Variants in DAB1 observed in about 807,000 individuals in gnomAD.
The protein encoded by DAB1 is DAB adaptor protein 1, also known as disabled homolog 1.
DAB1 carries 15 observed loss-of-function variants against 64.6 expected under a neutral mutation model. The ratio of observed to expected loss-of-function variants is 0.23; its 90% CI spans 0.16 to 0.36. The LOEUF is 0.36. Ranked by LOEUF, DAB1 falls within the 10% of genes least tolerant of loss-of-function variation. DAB1 has a pLI of 1.00. For missense variants in DAB1, 596 were observed against 706.7 expected (o/e 0.84, Z 1.78); for synonymous variants, 235 against 251.9 (o/e 0.93, Z 0.64).
At chr1:57,747,314 T>C (rs1263992108) in intron 6 of DAB1, among the ~76,000 whole-genome samples, 1 of 152,204 alleles carries the variant, frequency 6.6e-6, no homozygotes, top group Non-Finnish European at 1.5e-5. Flanking sequence ...GTCCTCTTTG[T>C]ACCCTTATCC....
intron 4 of DAB1, among the ~76,000 whole-genome samples, chr1:58,301,581 C>T (rs1280683799): frequency 6.6e-6 from 1 of 152,122 alleles, no homozygotes; most frequent in East Asian, 1.9e-4. Context: ...CCCAGGGAAG[C>T]CAAAAGATTG....
intron 7 of DAB1, among the ~76,000 whole-genome samples, chr1:57,647,181 T>C (rs1646201945): frequency 6.6e-6 from 1 of 152,174 alleles, no homozygotes; most frequent in African/African-American, 2.4e-5. Context: ...CAAAGGACTC[T>C]CAAAGCTCTC....
At chr1:57,317,108 A>G (rs1149629) in intron 1 of DAB1, among the ~76,000 whole-genome samples, 12,607 of 152,030 alleles carry the variant, frequency 0.083, 763 homozygotes, top group East Asian at 0.31. Flanking sequence ...TTTGTGAGCC[A>G]CCCTATCAGG....
intron 4 of DAB1, among the ~76,000 whole-genome samples, chr1:58,219,105 C>G (rs989595733): frequency 2.6e-5 from 4 of 151,352 alleles, no homozygotes; most frequent in Non-Finnish European, 4.4e-5. Context: ...GATATGAGCG[C>G]TAGAAGAAAG....
chr1:57,265,423 CTT>C (rs1228032871), intron 2 of DAB1, among the ~76,000 whole-genome samples: 1 of 152,210 alleles, frequency 6.6e-6, no homozygotes, highest in African/African-American at 2.4e-5. Flanking sequence ...ATAGAACTCT[CTT>C]TCCCCCTCCC....
intron 7 of DAB1, among the ~76,000 whole-genome samples, chr1:57,493,063 G>A (rs1009386456): frequency 5.3e-5 from 8 of 151,916 alleles, no homozygotes; most frequent in South Asian, 2.1e-4. Context: ...ATAGCAGCCC[G>A]CCTCCCCCAT....
chr1:57,172,962 C>A (rs572804887), intron 2 of DAB1, among the ~76,000 whole-genome samples: 1 of 152,280 alleles, frequency 6.6e-6, no homozygotes, highest in East Asian at 1.9e-4. Flanking sequence ...ATACTGCTAA[C>A]CTGAACTATC....
chr1:58,072,651 A>C (rs1649350106), intron 5 of DAB1, among the ~76,000 whole-genome samples: 1 of 152,230 alleles, frequency 6.6e-6, no homozygotes, highest in African/African-American at 2.4e-5. Flanking sequence ...AGATGAGGAA[A>C]TTGCTGAGCA....
intron 7 of DAB1, among the ~76,000 whole-genome samples, chr1:57,518,684 CA>C (rs1365687072): frequency 1.3e-5 from 2 of 152,206 alleles, no homozygotes; most frequent in African/African-American, 4.8e-5. Context: ...AGTAGAGTCT[CA>C]AACCACATAA....
chr1:58,388,746 C>A (rs958828638), intron 3 of DAB1, among the ~76,000 whole-genome samples: 11 of 152,194 alleles, frequency 7.2e-5, no homozygotes, highest in Non-Finnish European at 1.3e-4. Flanking sequence ...AGAAGTGTTA[C>A]AGTGCATTCT....
chr1:57,560,213 C>T (rs190830204), intron 7 of DAB1, among the ~76,000 whole-genome samples: 1 of 152,350 alleles, frequency 6.6e-6, no homozygotes, highest in Admixed American at 6.5e-5. Flanking sequence ...AGTGGTATAT[C>T]AGTTCTCCGG....
At chr1:58,446,240 T>C (rs1459224679) in intron 3 of DAB1, among the ~76,000 whole-genome samples, 1 of 152,230 alleles carries the variant, frequency 6.6e-6, no homozygotes, top group Non-Finnish European at 1.5e-5. Context: ...TCTGTGTTCG[T>C]TGCTCCCAGC....
chr1:58,356,691 G>C (rs1241695418), intron 3 of DAB1, among the ~76,000 whole-genome samples: 1 of 152,122 alleles, frequency 6.6e-6, no homozygotes, highest in Non-Finnish European at 1.5e-5. Context: ...GGATCAGAGA[G>C]TAGGTAGGCC....
chr1:57,695,380 G>GAGA (rs1646825054), intron 6 of DAB1, among the ~76,000 whole-genome samples: 1 of 70,092 alleles, frequency 1.4e-5, no homozygotes, highest in African/African-American at 5.5e-5. Context: ...AAGAAAGAAA[G>GAGA]AAAGAAAGAA....
intron 4 of DAB1, among the ~76,000 whole-genome samples, chr1:58,151,617 G>A (rs1654942067): frequency 6.6e-6 from 1 of 152,156 alleles, no homozygotes; most frequent in South Asian, 2.1e-4. Context: ...TCTTAACAGT[G>A]GCTGCCCTGT....
At chr1:57,823,993 A>G (rs1370032909), downstream of DAB1, among the ~76,000 whole-genome samples, 2 of 152,200 alleles carry the variant, frequency 1.3e-5, no homozygotes, top group Non-Finnish European at 2.9e-5. Context: ...TTTGAGAAGG[A>G]TAGTAAGTGT....
At chr1:57,825,191 C>G (rs931809325), downstream of DAB1, among the ~76,000 whole-genome samples, 6 of 152,054 alleles carry the variant, frequency 3.9e-5, no homozygotes, top group African/African-American at 1.5e-4. Context: ...TCCTGGTAAC[C>G]CCAGACTGAG....
In DAB1 at chr1:57,114,750, A is replaced by G. The variant is rs79613927; in HGVS notation, c.306+21793T>C. 5.4e-3 allele frequency among the ~76,000 whole-genome samples: 828 copies of G among 152,284 alleles called. 3 individuals carry two copies. Among genetic ancestry groups the G allele is most frequent in the Admixed American group, 0.012 (180 of 15,296 alleles). ...GATTCACTGAGGTCCTCCATATTAA[A>G]AAGAAGTTGAGAACCCTTCTGTTTG... On this transcript the variant is annotated intron_variant, in intron 4 of 14. Coordinates refer to ENST00000371236, the MANE Select transcript of DAB1 (RefSeq NM_001365792.1).
chr1:58,146,658 T>C (rs1654611247), intron 5 of DAB1, among the ~76,000 whole-genome samples: 1 of 152,160 alleles, frequency 6.6e-6, no homozygotes, highest in Non-Finnish European at 1.5e-5. Flanking sequence ...CAAGTTCACC[T>C]ATGTTGGCAC....
Sources: allele counts gnomAD v4.1 joint callset (sites outside exome capture counted in the v4.1 genomes callset), GRCh38; gene constraint gnomAD v4.1.1; transcripts MANE v1.5; gene names NCBI Gene and HGNC (gene_info 2026-07-23, HGNC 2026-07-21).